Variants in LRRC4C observed in about 807,000 individuals in gnomAD.
LRRC4C encodes the protein leucine rich repeat containing 4C, also known as leucine-rich repeat-containing protein 4C.
LRRC4C carries 5 observed loss-of-function variants against 33.6 expected under a neutral mutation model. That is an observed-to-expected ratio of 0.15 (90% CI 0.08 to 0.31). The LOEUF (loss-of-function observed/expected upper bound fraction) is 0.31. LRRC4C is among the 10% of genes least tolerant of loss of function. The probability of loss-of-function intolerance (pLI) is 1.00; values close to 1 mark genes in which losing one functional copy is unlikely to be tolerated. For missense variants in LRRC4C, 560 were observed against 796.7 expected, an observed-to-expected ratio of 0.70 and a Z score of 3.58; for synonymous variants, 329 against 302.0, an observed-to-expected ratio of 1.09 and a Z score of -0.93.
intron 5 of LRRC4C, among the ~76,000 whole-genome samples, chr11:40,153,259 A>G (rs1858376242): frequency 6.6e-6 from 1 of 152,148 alleles, no homozygotes; most frequent in African/African-American, 2.4e-5. Context: ...ATATCAAGGG[A>G]ACACCCCATG....
At chr11:40,984,892 A>ATTTTTTTTTTTTTT (rs1352712808) in intron 1 of LRRC4C, among the ~76,000 whole-genome samples, 2 of 24,650 alleles carry the variant, frequency 8.1e-5, no homozygotes, top group Non-Finnish European at 2.5e-4. Flanking sequence ...TCTCACTGAC[A>ATTTTTTTTTTTTTT]CTTTTTTTTT....
intron 3 of LRRC4C, among the ~76,000 whole-genome samples, chr11:40,462,822 C>T (rs926005120): frequency 4.0e-5 from 6 of 151,882 alleles, no homozygotes; most frequent in African/African-American, 1.5e-4. Context: ...CTTTTTTATC[C>T]CATCATTTTC....
chr11:41,355,041 A>G (rs1181252033), intron 1 of LRRC4C, among the ~76,000 whole-genome samples: 3 of 152,098 alleles, frequency 2.0e-5, no homozygotes, highest in African/African-American at 7.2e-5. Context: ...GAAACTATCA[A>G]CAGAGCAAAC....
At chr11:40,896,814 T>G (rs997669042) in intron 2 of LRRC4C, among the ~76,000 whole-genome samples, 2 of 152,148 alleles carry the variant, frequency 1.3e-5, no homozygotes, top group African/African-American at 4.8e-5. Context: ...ACTTACAATC[T>G]ACGAGGTGCT....
At chr11:40,250,846 A>T (rs1482471782) in intron 4 of LRRC4C, among the ~76,000 whole-genome samples, 3 of 152,198 alleles carry the variant, frequency 2.0e-5, no homozygotes, top group Non-Finnish European at 4.4e-5. Context: ...ACATATTTGG[A>T]CTGAAGACCA....
At chr11:40,140,271 C>A (rs1857271519) in intron 6 of LRRC4C, among the ~76,000 whole-genome samples, 1 of 152,166 alleles carries the variant, frequency 6.6e-6, no homozygotes, top group African/African-American at 2.4e-5. Flanking sequence ...CTCATCTTTT[C>A]TCTCTGCAGG....
chr11:41,295,348 G>C (rs183100362), intron 1 of LRRC4C, among the ~76,000 whole-genome samples: 1 of 152,058 alleles, frequency 6.6e-6, no homozygotes, highest in Non-Finnish European at 1.5e-5. Flanking sequence ...ACAATATGCG[G>C]TAAAAAAAAG....
At chr11:40,852,199 A>G (rs1953542780) in intron 2 of LRRC4C, among the ~76,000 whole-genome samples, 1 of 151,474 alleles carries the variant, frequency 6.6e-6, no homozygotes, top group Non-Finnish European at 1.5e-5. Context: ...TCTAAATGGT[A>G]TTTAAGTATT....
At chr11:40,320,928 T>G (rs2136851139) in intron 3 of LRRC4C, among the ~76,000 whole-genome samples, 1 of 152,306 alleles carries the variant, frequency 6.6e-6, no homozygotes, top group Middle Eastern at 3.4e-3. Context: ...TGTAGGTAAG[T>G]TATACTAAGG....
chr11:40,458,856 T>C (rs928553641), intron 3 of LRRC4C, among the ~76,000 whole-genome samples: 2 of 152,200 alleles, frequency 1.3e-5, no homozygotes, highest in Non-Finnish European at 2.9e-5. Flanking sequence ...AATGTTTTCC[T>C]AGGTTTTTTA....
chr11:41,439,691 A>G (rs920055971), intron 1 of LRRC4C, among the ~76,000 whole-genome samples: 1 of 152,194 alleles, frequency 6.6e-6, no homozygotes, highest in Admixed American at 6.5e-5. Flanking sequence ...TTTAAAAAAC[A>G]TCTGTTCATG....
At chr11:41,297,378 T>A (rs1295894733) in intron 1 of LRRC4C, among the ~76,000 whole-genome samples, 1 of 152,182 alleles carries the variant, frequency 6.6e-6, no homozygotes, top group African/African-American at 2.4e-5. Context: ...GGTTTAGGTA[T>A]CAAGGTGATA....
At chr11:40,948,393 T>C (rs1958513872) in intron 1 of LRRC4C, among the ~76,000 whole-genome samples, 1 of 151,766 alleles carries the variant, frequency 6.6e-6, no homozygotes, top group African/African-American at 2.4e-5. Flanking sequence ...ATACTTTAAG[T>C]TTTAGTGTAC....
intron 1 of LRRC4C, among the ~76,000 whole-genome samples, chr11:41,289,174 G>A (rs886098426): frequency 2.6e-5 from 4 of 152,044 alleles, no homozygotes; most frequent in Non-Finnish European, 5.9e-5. Flanking sequence ...TCTTATTTTT[G>A]TAATTTCTCT....
chr11:41,308,304 A>ATT (rs141955388), intron 1 of LRRC4C, among the ~76,000 whole-genome samples: 8 of 151,412 alleles, frequency 5.3e-5, no homozygotes, highest in Non-Finnish European at 8.8e-5. Context: ...CTGGTGAAAG[A>ATT]TTTTTTTTTG....
chr11:41,133,627 C>A (rs1943122749), intron 1 of LRRC4C, among the ~76,000 whole-genome samples: 1 of 151,892 alleles, frequency 6.6e-6, no homozygotes, highest in East Asian at 1.9e-4. Context: ...TTAGGAGCAA[C>A]AACTTCCCAG....
intron 1 of LRRC4C, among the ~76,000 whole-genome samples, chr11:41,448,850 T>C (rs1184224543): frequency 6.6e-6 from 1 of 152,234 alleles, no homozygotes; most frequent in Non-Finnish European, 1.5e-5. Context: ...AAAGATCAAA[T>C]ATTTTTATAA....
At chr11:41,145,624 G>A (rs1355733138) in intron 1 of LRRC4C, among the ~76,000 whole-genome samples, 1 of 152,082 alleles carries the variant, frequency 6.6e-6, no homozygotes, top group Admixed American at 6.6e-5. Context: ...GGATAAATTT[G>A]TTGACCCTCC....
chr11:40,494,676 A>T (rs1353544687), intron 3 of LRRC4C, among the ~76,000 whole-genome samples: 2 of 152,172 alleles, frequency 1.3e-5, no homozygotes, highest in Non-Finnish European at 2.9e-5. Flanking sequence ...CCTGGTAAAG[A>T]TGAAAAATTT....
Sources: gnomAD v4.1 joint callset for allele counts (sites outside exome capture counted in the v4.1 genomes callset) on GRCh38, gnomAD v4.1.1 for gene constraint, MANE v1.5 for transcripts, NCBI Gene and HGNC (gene_info 2026-07-23, HGNC 2026-07-21) for gene names.